GPATCH8: variants seen among roughly 807,000 people sequenced by gnomAD.
GPATCH8 encodes the protein G-patch domain containing 8.
A neutral mutation model predicts 118.3 loss-of-function variants in GPATCH8; 18 were observed. The observed-to-expected ratio is 0.15, with a 90% CI of 0.11 to 0.23. The LOEUF (loss-of-function observed/expected upper bound fraction) is 0.23, where lower values mean the gene tolerates loss of function less well. Ranked by LOEUF, GPATCH8 falls within the 10% of genes least tolerant of loss-of-function variation. The pLI is 1.00. For missense variants in GPATCH8, 1,631 were observed against 1,873.8 expected, an observed-to-expected ratio of 0.87 and a Z score of 2.39; for synonymous variants, 659 against 684.7, an observed-to-expected ratio of 0.96 and a Z score of 0.59.
intron 1 of GPATCH8, among the ~76,000 whole-genome samples, chr17:44,492,808 A>C (rs1051804515): frequency 6.6e-6 from 1 of 152,334 alleles, no homozygotes; most frequent in African/African-American, 2.4e-5. Context: ...GAGAGTATCC[A>C]GTAGAAATAC....
chr17:44,438,918 A>G (rs2050599589), intron 3 of GPATCH8, among the ~76,000 whole-genome samples: 2 of 152,168 alleles, frequency 1.3e-5, no homozygotes, highest in African/African-American at 2.4e-5. Context: ...TTGTACTGCT[A>G]CTTGAGAACA....
chr17:44,448,740 T>C (rs1174831929), intron 3 of GPATCH8, among the ~76,000 whole-genome samples: 3 of 146,770 alleles, frequency 2.0e-5, no homozygotes, highest in African/African-American at 7.6e-5. Flanking sequence ...AATACTAAGA[T>C]AGGAAACAAT....
In GPATCH8 at chr17:44,427,081, A is replaced by ATT. The variant is rs200192738; in HGVS notation, c.349-2591_349-2590dup. 8.2e-5 allele frequency among the ~76,000 whole-genome samples: 12 copies of ATT among 146,336 alleles called. No homozygotes were observed. In the South Asian group the frequency reaches 8.6e-4, roughly 11 times the overall value. On this transcript the variant is annotated intron_variant, in intron 5 of 7. Transcript: ENST00000591680. ...TGTAATTGCCTAAATTAATATTACT[A>ATT]TTTTTTTTTTTTGAGACAGCGTCTT...
chr17:44,428,170 T>C (rs2050156980), intron 5 of GPATCH8, among the ~76,000 whole-genome samples: 1 of 151,462 alleles, frequency 6.6e-6, no homozygotes, highest in Non-Finnish European at 1.5e-5. Flanking sequence ...GTAGTCCCAG[T>C]TACTTGGAAG....
rs2048747186 is a variant in GPATCH8, at chr17:44,395,495, T to C, written c.*2073A>G. 1 of 454,386 alleles carries C rather than the reference T, an allele frequency of 2.2e-6. No individual in the cohort carries two copies. The highest frequency in any genetic ancestry group is 4.4e-6 in the Non-Finnish European group (1 of 226,794). The allele number at this position is 454,386 out of a possible 1,614,324, so 28.1% of individuals were successfully genotyped here. ...GAGTATGGCTCAATCTACAAGCTAA[T>C]GGGAAGCAGCACGAAAATGTTAATA... On this transcript the variant is annotated 3_prime_UTR_variant, in exon 8 of 8. Transcript: ENST00000591680.
At chr17:44,483,862 GAC>G (rs1401127894) in intron 1 of GPATCH8, among the ~76,000 whole-genome samples, 1 of 137,498 alleles carries the variant, frequency 7.3e-6, no homozygotes, top group African/African-American at 2.6e-5. Flanking sequence ...GTTGTTTTGA[GAC>G]AGAGTCTCAT....
chr17:44,398,987 G>C lies in GPATCH8; in HGVS notation c.3090C>G (p.Ile1030Met). Residue 1030 changes from isoleucine to methionine, a missense_variant, in exon 8 of 8, where the codon ATC (isoleucine) becomes ATG (methionine). Ile to Met is a conservative substitution (Grantham distance 10). Transcript: ENST00000591680. The part of the protein sequence containing the change: ...SGRRDFIRSK[I>M]YRSQSPHYFR... ...AATAGTGGGGGGACTGGGAGCGGTA[G>C]ATCTTAGAACGAATGAAGTCCCGAC... The C allele has an allele frequency of 2.5e-6, 4 of 1,614,054 alleles. No individual in the cohort carries two copies. Among genetic ancestry groups the C allele is most frequent in the Non-Finnish European group, 2.5e-6 (3 of 1,179,950 alleles).
intron 1 of GPATCH8, among the ~76,000 whole-genome samples, chr17:44,488,608 TG>T (rs936491786): frequency 6.7e-5 from 10 of 149,538 alleles, no homozygotes; most frequent in African/African-American, 2.5e-4. Context: ...TGACCTCAGG[TG>T]ATCTGCCTGC....
At chr17:44,479,299 C>T (rs553869935) in intron 1 of GPATCH8, among the ~76,000 whole-genome samples, 14 of 152,314 alleles carry the variant, frequency 9.2e-5, no homozygotes, top group South Asian at 2.1e-4. Context: ...CTGTAGATTA[C>T]AAACTACTGT....
At chr17:44,418,307 T>C (rs1442470799) in intron 6 of GPATCH8, among the ~76,000 whole-genome samples, 1 of 152,214 alleles carries the variant, frequency 6.6e-6, no homozygotes, top group Admixed American at 6.5e-5. Flanking sequence ...AAAATGATTC[T>C]ACTGTCATAT....
At chr17:44,468,252 C>T (rs1966964350) in intron 2 of GPATCH8, among the ~76,000 whole-genome samples, 1 of 151,996 alleles carries the variant, frequency 6.6e-6, no homozygotes. Flanking sequence ...AGATTACAGG[C>T]ATAAGCCACC....
intron 3 of GPATCH8, among the ~76,000 whole-genome samples, chr17:44,457,934 A>G (rs1338795635): frequency 1.3e-5 from 2 of 151,918 alleles, no homozygotes; most frequent in African/African-American, 4.8e-5. Flanking sequence ...AAATACAAAA[A>G]ATTAGCCAGA....
rs200128147 is a variant in GPATCH8, at chr17:44,397,537, C to A, written c.*31G>T. 1.3e-6 allele frequency: 2 copies of A among 1,487,092 alleles called. No individual in the cohort carries two copies. The highest frequency in any genetic ancestry group is 2.3e-5 in the South Asian group (2 of 88,472). 92.1% of individuals were successfully genotyped at this position (1,487,092 alleles called of 1,614,324 possible). On this transcript the variant is annotated 3_prime_UTR_variant, in exon 8 of 8. Coordinates refer to ENST00000591680, the MANE Select transcript of GPATCH8 (RefSeq NM_001002909.4). ...AAGGGAACATTTATGGGTCTCCTCC[C>A]CTGGCCCTACCTAGGATCCCATCCC...
intron 2 of GPATCH8, among the ~76,000 whole-genome samples, chr17:44,471,838 C>T (rs1172425420): frequency 2.1e-5 from 3 of 142,626 alleles, no homozygotes; most frequent in Non-Finnish European, 4.5e-5. Context: ...AGGAGTTTCT[C>T]TTAAAACTTA....
At chr17:44,415,545 T>C (rs1479816637) in intron 6 of GPATCH8, among the ~76,000 whole-genome samples, 1 of 152,210 alleles carries the variant, frequency 6.6e-6, no homozygotes, top group Admixed American at 6.5e-5. Context: ...TGTATTTACA[T>C]AGCACTCCAA....
At chr17:44,419,523 G>A (rs1281997029) in intron 6 of GPATCH8, among the ~76,000 whole-genome samples, 1 of 152,178 alleles carries the variant, frequency 6.6e-6, no homozygotes, top group Admixed American at 6.5e-5. Context: ...GTCTTGCTCT[G>A]TCACCCAGGC....
In GPATCH8 at chr17:44,398,501, C is replaced by A. The variant is rs201027635; in HGVS notation, c.3576G>T (p.Gln1192His). 1 of 1,604,834 alleles carries A rather than the reference C, an allele frequency of 6.2e-7. No homozygotes were observed. The highest frequency in any genetic ancestry group is 8.5e-7 in the Non-Finnish European group (1 of 1,175,594). The change falls in exon 8 of 8, where the codon CAG (glutamine) becomes CAT (histidine). Residue 1192 changes from glutamine (Q) to histidine (H), a missense_variant. Around this residue, in one of 8 missense-constraint regions of GPATCH8, gnomAD observed 922 missense variants for 879.7 expected, o/e 1.05. Transcript: ENST00000591680. Reference protein sequence around the residue: ...PGSSDALFGHQFPSEETTGPL... With the variant: ...PGSSDALFGHHFPSEETTGPL... ...GGCCAGTTGTTTCCTCTGAAGGGAACTGATGCCCAAATAGGGCATCACTAC... is the reference window on the plus strand; with the variant it reads ...GGCCAGTTGTTTCCTCTGAAGGGAAATGATGCCCAAATAGGGCATCACTAC...
At chr17:44,406,934 A>G (rs1338726746) in intron 6 of GPATCH8, among the ~76,000 whole-genome samples, 1 of 152,244 alleles carries the variant, frequency 6.6e-6, no homozygotes, top group Non-Finnish European at 1.5e-5. Context: ...CAATGAAGAC[A>G]GAACTAAAAT....
Position 44,398,919 on chromosome 17 carries a change from C to T in GPATCH8, c.3158G>A (p.Gly1053Asp), listed in dbSNP as rs945947459. 2.5e-5 allele frequency: 41 copies of T among 1,614,048 alleles called. No individual in the cohort carries two copies. The highest frequency in any genetic ancestry group is 1.6e-4 in the Middle Eastern group (1 of 6,084). ...TGTTGCTTTACTGTCATCTCCTCTG[C>T]CATCATCTTTCTTCCCAGGACCTTC... ...RGEGPGKKDD[G>D]RGDDSKATGP... The change falls in exon 8 of 8, where the codon GGC becomes GAC. Residue 1053 changes from glycine to aspartate, a missense_variant. Coordinates refer to ENST00000591680, the MANE Select transcript of GPATCH8 (RefSeq NM_001002909.4).
Sources: gnomAD v4.1 joint callset for allele counts (sites outside exome capture counted in the v4.1 genomes callset) on GRCh38, gnomAD v4.1.1 for gene constraint, gnomAD v4.1.1 regional missense constraint, MANE v1.5 for transcripts, NCBI Gene and HGNC (gene_info 2026-07-23, HGNC 2026-07-21) for gene names.